RNASET2: variants seen among roughly 807,000 people sequenced by gnomAD.
The protein encoded by RNASET2 is ribonuclease T2.
A neutral mutation model predicts 33.9 loss-of-function variants in RNASET2; 28 were observed. The ratio of observed to expected loss-of-function variants is 0.83; its 90% CI spans 0.61 to 1.13. The LOEUF (loss-of-function observed/expected upper bound fraction) is 1.13. RNASET2 is among the 50% of genes most tolerant of loss of function. The probability of loss-of-function intolerance (pLI) is 0.00; values close to 1 mark genes in which losing one functional copy is unlikely to be tolerated. For synonymous variants in RNASET2, 123 were observed against 121.0 expected (o/e 1.02, Z -0.11); for missense variants, 330 against 319.9 (o/e 1.03, Z -0.24).
intron 2 of RNASET2, among the ~76,000 whole-genome samples, chr6:166,951,573 G>A (rs561319902): frequency 4.7e-4 from 68 of 145,538 alleles, no homozygotes; most frequent in Middle Eastern, 3.4e-3. Flanking sequence ...CTGTCCGGGC[G>A]TGACAGAGGC....
chr6:166,955,528 C>T, intron 1 of RNASET2: 1 of 986,748 alleles, frequency 1.0e-6, no homozygotes, highest in Non-Finnish European at 1.2e-6. Context: ...ATTAAGTGTC[C>T]CCTCCACGAC....
Position 166,926,025 on chromosome 6 carries a change from ACAGT to A in RNASET2, c.*3559_*3562del, listed in dbSNP as rs1219835646. On this transcript the variant is annotated 3_prime_UTR_variant, in exon 9 of 9. Transcript: ENST00000508775. Reference sequence around the variant, plus strand: ...AACACGGTGCCAGCGTCCAGCACTGACAGTCAGGTGGCGTGGCAGTCAATGCATG... The same window carrying A: ...AACACGGTGCCAGCGTCCAGCACTGACAGGTGGCGTGGCAGTCAATGCATG... Among the ~76,000 whole-genome samples the A allele has an allele frequency of 1.3e-5, 2 of 152,186 alleles. No homozygotes were observed. The highest frequency in any genetic ancestry group is 4.8e-5 in the African/African-American group (2 of 41,456).
chr6:166,945,097 G>GCC (rs1453713991), intron 4 of RNASET2: 1 of 151,614 alleles, frequency 6.6e-6, no homozygotes, highest in Admixed American at 7.3e-5. Context: ...TGTCAGCCCT[G>GCC]CCCTCACCCA....
intron 4 of RNASET2, among the ~76,000 whole-genome samples, chr6:166,945,648 T>C (rs1778817039): frequency 6.6e-6 from 1 of 151,990 alleles, no homozygotes; most frequent in East Asian, 1.9e-4. Flanking sequence ...CTGACCAACA[T>C]GGGGAAACCC....
Position 166,956,135 on chromosome 6 carries a change from C to A in RNASET2, c.48G>T (p.Leu16=). The change falls in exon 1 of 9, where the codon CTG becomes CTT. Residue 16 remains leucine (L), a synonymous_variant. Coordinates refer to ENST00000508775, the MANE Select transcript of RNASET2 (RefSeq NM_003730.6). ...LRGALLGCLC[L]ALLCLGGADK... ...CCGCACCGCCCAGGCAAAGCAACGC[C>A]AGGCAGAGGCAGCCCAGCAGGGCCC... 1 of 1,551,638 alleles carries A rather than the reference C, an allele frequency of 6.4e-7. No individual in the cohort carries two copies. Among genetic ancestry groups the A allele is most frequent in the African/African-American group, 1.4e-5 (1 of 73,208 alleles).
chr6:166,937,683 C>T (rs1562496567), intron 6 of RNASET2, among the ~76,000 whole-genome samples: 1 of 152,150 alleles, frequency 6.6e-6, no homozygotes, highest in African/African-American at 2.4e-5. Context: ...TGAGGGCAAC[C>T]TATCCATTTA....
intron 1 of RNASET2, among the ~76,000 whole-genome samples, chr6:166,953,916 T>C (rs1396016177): frequency 2.7e-5 from 4 of 149,160 alleles, no homozygotes; most frequent in South Asian, 2.1e-4. Context: ...AGGGTGAGAA[T>C]TGGAGCTGGT....
chr6:166,939,799 C>A (rs1583222480), intron 5 of RNASET2, among the ~76,000 whole-genome samples: 1 of 152,342 alleles, frequency 6.6e-6, no homozygotes, highest in Admixed American at 6.5e-5. Flanking sequence ...ACAATAAGAA[C>A]AACTGAATAG....
intron 3 of RNASET2, among the ~76,000 whole-genome samples, chr6:166,947,478 T>C (rs1001660262): frequency 1.5e-4 from 23 of 152,160 alleles, no homozygotes; most frequent in African/African-American, 5.6e-4. Context: ...TGCCTGATTC[T>C]ATCCGCTGGA....
In RNASET2 at chr6:166,942,997, GCAAT is replaced by G; in HGVS notation, c.332+18_332+21del. ...ACCCGCTCAGACAGTAATCAAGACA[GCAAT>G]CAGAGGCTGGGACTTACCAGAAGCG... is the stretch of plus-strand genomic sequence containing the variant. On this transcript the variant is annotated intron_variant, in intron 5 of 8. Transcript: ENST00000508775. 1 of 1,603,732 alleles carries G rather than the reference GCAAT, an allele frequency of 6.2e-7. No individual in the cohort carries two copies. Among genetic ancestry groups the G allele is most frequent in the Non-Finnish European group, 8.5e-7 (1 of 1,170,980 alleles).
intron 1 of RNASET2, 47 bp downstream of exon 1, chr6:166,956,049 TA>T: frequency 6.6e-7 from 1 of 1,516,114 alleles, no homozygotes; most frequent in Non-Finnish European, 9.0e-7. Flanking sequence ...TGGAAAGCTC[TA>T]GGGCCCGGCT....
chr6:166,929,765 C>G lies in RNASET2; in HGVS notation c.594G>C (p.Gln198His). The G allele has an allele frequency of 1.2e-6, 2 of 1,614,160 alleles. No individual in the cohort carries two copies. Among genetic ancestry groups the G allele is most frequent in the Non-Finnish European group, 1.7e-6 (2 of 1,180,024 alleles). ...CTTGCTTAGTGAGGCACAGTTCTAT[C>G]TGACCAATTGTCTGTACTTCCTCAT... ...SQDEEVQTIG[Q>H]IELCLTKQDQ... Residue 198 changes from glutamine to histidine, a missense_variant, in exon 9 of 9, where the codon CAG becomes CAC. Physicochemically the swap from Gln to His is conservative, Grantham distance 24. Transcript: ENST00000508775.
chr6:166,930,341 C>T (rs1778389597), intron 8 of RNASET2, among the ~76,000 whole-genome samples: 1 of 151,280 alleles, frequency 6.6e-6, no homozygotes, highest in African/African-American at 2.4e-5. Context: ...GATGTGCAGG[C>T]CTGTGCACAC....
At chr6:166,955,201 G>GCA (rs559150319) in intron 1 of RNASET2, among the ~76,000 whole-genome samples, 2 of 121,130 alleles carry the variant, frequency 1.7e-5, no homozygotes, top group East Asian at 2.9e-4. Context: ...ACACACGCAC[G>GCA]CACACACGCA....
chr6:166,935,649 A>T (rs1056481108), intron 6 of RNASET2, among the ~76,000 whole-genome samples: 1 of 152,184 alleles, frequency 6.6e-6, no homozygotes, highest in African/African-American at 2.4e-5. Context: ...TCATATTATG[A>T]AGTGAAGAAA....
At chr6:166,941,211 A>C (rs1778683710) in intron 5 of RNASET2, among the ~76,000 whole-genome samples, 1 of 152,366 alleles carries the variant, frequency 6.6e-6, no homozygotes, top group South Asian at 2.1e-4. Context: ...CTGAAAATTT[A>C]AAGTAAGTCA....
intron 1 of RNASET2, among the ~76,000 whole-genome samples, chr6:166,954,596 C>A (rs1305371753): frequency 6.6e-6 from 1 of 152,204 alleles, no homozygotes; most frequent in Non-Finnish European, 1.5e-5. Context: ...GGCTCTGAAC[C>A]TCATGGCCAA....
intron 6 of RNASET2, 57 bp from the exon 7 acceptor site, chr6:166,934,193 GT>G: frequency 9.1e-7 from 1 of 1,100,218 alleles, no homozygotes; most frequent in Non-Finnish European, 1.4e-6. Flanking sequence ...TTGCTTTCTT[GT>G]TCTTTTCAGG....
At chr6:166,955,321 ACACACG>A (rs1393254056) in intron 1 of RNASET2, among the ~76,000 whole-genome samples, 2 of 66,956 alleles carry the variant, frequency 3.0e-5, no homozygotes, top group South Asian at 7.7e-4. Flanking sequence ...ACACACGCAC[ACACACG>A]CACGCACGCA....
Sources: gnomAD v4.1 joint callset for allele counts (sites outside exome capture counted in the v4.1 genomes callset) on GRCh38, gnomAD v4.1.1 for gene constraint, MANE v1.5 for transcripts, NCBI Gene and HGNC (gene_info 2026-07-23, HGNC 2026-07-21) for gene names.